Variants in KLRK1 observed in about 807,000 individuals in gnomAD.
KLRK1 encodes the protein NKG2-D type II integral membrane protein.
In KLRK1, 40 loss-of-function variants were observed where a neutral mutation model predicts 31.3. That is an observed-to-expected ratio of 1.28 (90% CI 0.99 to 1.67). The LOEUF (loss-of-function observed/expected upper bound fraction) is 1.67, where lower values mean the gene tolerates loss of function less well. Among genes scored for constraint, KLRK1 ranks in the 40% most tolerant of loss-of-function variants. The probability of loss-of-function intolerance (pLI) is 0.00; values close to 1 mark genes in which losing one functional copy is unlikely to be tolerated. For synonymous variants in KLRK1, 77 were observed against 77.3 expected (o/e 1.00, Z 0.02); for missense variants, 251 against 260.0 (o/e 0.97, Z 0.24).
In KLRK1 at chr12:10,378,560, C is replaced by T. The variant is rs1863008173; in HGVS notation, c.423G>A (p.Glu141=). 1.2e-6 allele frequency: 2 copies of T among 1,611,224 alleles called. No individual in the cohort carries two copies. Among genetic ancestry groups the T allele is most frequent in the Non-Finnish European group, 1.7e-6 (2 of 1,179,418 alleles). Residue 141 remains glutamate (E), a synonymous_variant, in exon 6 of 8, where the codon GAG becomes GAA. Coordinates refer to ENST00000240618, the MANE Select transcript of KLRK1 (RefSeq NM_007360.4). ...ATTAAAATAAATACTCAACCTGGTC[C>T]TCTTTGCTGTATACTTTCAGAAGGC... ...NASLLKVYSK[E]DQDLLKLVKS... is the part of the protein sequence containing the mutation.
chr12:10,385,974 A>C (rs1863160187), intron 3 of KLRK1, among the ~76,000 whole-genome samples: 1 of 129,122 alleles, frequency 7.7e-6, no homozygotes, highest in African/African-American at 2.7e-5. Context: ...AATACACAAA[A>C]TATCCTATGA....
In KLRK1 at chr12:10,379,686, C is replaced by T; in HGVS notation, c.241+14G>A. 1 of 1,587,704 alleles carries T rather than the reference C, an allele frequency of 6.3e-7. No homozygotes were observed. The highest frequency in any genetic ancestry group is 8.6e-7 in the Non-Finnish European group (1 of 1,168,674). Reference sequence around the variant, plus strand: ...ATTGACAATGTTGCAATCTACTTCTCTGTTGTCACTTACAGTTTAGGAATA... The same window carrying T: ...ATTGACAATGTTGCAATCTACTTCTTTGTTGTCACTTACAGTTTAGGAATA... On this transcript the variant is annotated intron_variant, in intron 4 of 7. Coordinates refer to ENST00000240618, the MANE Select transcript of KLRK1 (RefSeq NM_007360.4).
At chr12:10,374,954 C>A (rs925122770) in intron 7 of KLRK1, among the ~76,000 whole-genome samples, 1 of 151,964 alleles carries the variant, frequency 6.6e-6, no homozygotes, top group African/African-American at 2.4e-5. Flanking sequence ...TGTTTTGCTT[C>A]TGAAAAAAAA....
intron 3 of KLRK1, among the ~76,000 whole-genome samples, chr12:10,380,561 C>G (rs1228812733): frequency 6.6e-6 from 1 of 152,076 alleles, no homozygotes; most frequent in African/African-American, 2.4e-5. Context: ...CTCTGAGGCA[C>G]AGATGCTCAG....
intron 7 of KLRK1, among the ~76,000 whole-genome samples, chr12:10,376,587 A>C (rs926677043): frequency 3.9e-5 from 6 of 152,166 alleles, no homozygotes; most frequent in Admixed American, 1.3e-4. Flanking sequence ...TCAAATCAAC[A>C]TATCAGCTTT....
chr12:10,387,454 C>G (rs1863188547), intron 2 of KLRK1, among the ~76,000 whole-genome samples: 1 of 152,014 alleles, frequency 6.6e-6, no homozygotes, highest in Non-Finnish European at 1.5e-5. Flanking sequence ...GAAAAGGATA[C>G]TGTCACAATC....
At chr12:10,382,649 G>C (rs1024662981) in intron 3 of KLRK1, among the ~76,000 whole-genome samples, 1 of 151,774 alleles carries the variant, frequency 6.6e-6, no homozygotes, top group African/African-American at 2.4e-5. Flanking sequence ...ACATTTGAAT[G>C]TATAAAACTC....
rs892807758 is a variant in KLRK1 at position 10,378,075 on chromosome 12, C to T, written c.533+57G>A. On this transcript the variant is annotated intron_variant, in intron 7 of 7. Transcript: ENST00000240618. ...GTGAGATGAGTGATTAGAATTATTA[C>T]AGGGAAAACTTAGGAAAAAAATTAA... 2.7e-6 allele frequency: 4 copies of T among 1,507,590 alleles called. No individual in the cohort carries two copies. The African/African-American group carries it at 4.2e-5, about 16-fold the overall frequency. 93.4% of individuals were successfully genotyped at this position (1,507,590 alleles called of 1,614,324 possible).
chr12:10,385,985 A>T (rs1237514554), intron 3 of KLRK1, among the ~76,000 whole-genome samples: 1 of 146,908 alleles, frequency 6.8e-6, no homozygotes, highest in Non-Finnish European at 1.5e-5. Flanking sequence ...TATCCTATGA[A>T]TTTTTTTTTT....
At chr12:10,377,599 CTGAT>C (rs1248664412) in intron 7 of KLRK1, among the ~76,000 whole-genome samples, 1 of 151,940 alleles carries the variant, frequency 6.6e-6, no homozygotes, top group Non-Finnish European at 1.5e-5. Flanking sequence ...TGACAGAAAA[CTGAT>C]TGACTGGAAA....
intron 3 of KLRK1, among the ~76,000 whole-genome samples, chr12:10,383,803 GACA>G (rs916470968): frequency 1.1e-4 from 16 of 151,958 alleles, no homozygotes; most frequent in South Asian, 2.1e-4. Flanking sequence ...TAAATTTTCT[GACA>G]ACAATGGAAT....
chr12:10,388,751 CTTA>C lies in KLRK1; in HGVS notation c.40+17_40+19del. On this transcript the variant is annotated intron_variant, in intron 2 of 7. Transcript: ENST00000240618. The stretch of plus-strand genomic sequence containing the variant: ...AATTGTATAAAAACAAAACTACACA[CTTA>C]TGTGGTAAAAACATACCCCAGCTGT... 1 of 1,612,922 alleles carries C rather than the reference CTTA, an allele frequency of 6.2e-7. No individual in the cohort carries two copies. The highest frequency in any genetic ancestry group is 1.3e-5 in the African/African-American group (1 of 74,182).
intron 5 of KLRK1, chr12:10,379,118 G>C (rs1863019868): frequency 5.8e-6 from 1 of 173,874 alleles, no homozygotes; most frequent in African/African-American, 2.4e-5. Context: ...GGGAGGCTGA[G>C]GCATGAGAAT....
intron 3 of KLRK1, among the ~76,000 whole-genome samples, chr12:10,386,286 A>T (rs1268443783): frequency 6.6e-6 from 1 of 152,114 alleles, no homozygotes; most frequent in African/African-American, 2.4e-5. Context: ...TTTGGTAACA[A>T]TTGAATATTT....
chr12:10,384,973 C>T (rs924281020), intron 3 of KLRK1, among the ~76,000 whole-genome samples: 1 of 151,830 alleles, frequency 6.6e-6, no homozygotes, highest in East Asian at 1.9e-4. Context: ...CAAATAGCCA[C>T]AGATATATTT....
chr12:10,387,165 C>T lies in KLRK1; in HGVS notation c.41-155G>A, dbSNP rs565582185. ...AACTTACTTTTGTTTTATAGTACTA[C>T]ATTATTATGTTTACACTTTACTATA... On this transcript the variant is annotated intron_variant, in intron 2 of 7. Transcript: ENST00000240618. Among the ~76,000 whole-genome samples the T allele has an allele frequency of 5.3e-5, 8 of 152,290 alleles. No individual in the cohort carries two copies. In the South Asian group the frequency reaches 1.7e-3, roughly 32 times the overall value.
chr12:10,378,452 C>G, intron 6 of KLRK1, 102 bp downstream of exon 6: 1 of 1,542,254 alleles, frequency 6.5e-7, no homozygotes, highest in Non-Finnish European at 8.7e-7. Context: ...ATTAGAATAA[C>G]CAAGTCACAG....
At chr12:10,384,645 A>G (rs531926959) in intron 3 of KLRK1, among the ~76,000 whole-genome samples, 1 of 152,122 alleles carries the variant, frequency 6.6e-6, no homozygotes, top group East Asian at 1.9e-4. Flanking sequence ...CTATAACACT[A>G]CTAGAAGAGA....
chr12:10,387,414 T>A lies in KLRK1; in HGVS notation c.41-404A>T, dbSNP rs1863187355. The stretch of plus-strand genomic sequence containing the variant: ...CCTAGCTTTTGCATCCCAGTTTTCC[T>A]AATTTGCAAAAGACGAAAGAAATAA... On this transcript the variant is annotated intron_variant, in intron 2 of 7. Transcript: ENST00000240618. 2.0e-5 allele frequency among the ~76,000 whole-genome samples: 3 copies of A among 152,110 alleles called. No homozygotes were observed. The South Asian group carries it at 6.2e-4, about 32-fold the overall frequency.
Sources: allele counts gnomAD v4.1 joint callset (sites outside exome capture counted in the v4.1 genomes callset), GRCh38; gene constraint gnomAD v4.1.1; transcripts MANE v1.5; gene names NCBI Gene and HGNC (gene_info 2026-07-23, HGNC 2026-07-21).